The following ITGA7 variants were observed in gnomAD, a reference collection of about 807,000 sequenced individuals.
ITGA7 encodes integrin subunit alpha 7.
A neutral mutation model predicts 131.6 loss-of-function variants in ITGA7; 84 were observed. The observed-to-expected ratio is 0.64, with a 90% confidence interval of 0.54 to 0.77. The LOEUF (loss-of-function observed/expected upper bound fraction) is 0.77, where lower values mean the gene tolerates loss of function less well. Ranked by LOEUF, ITGA7 falls within the 30% of genes least tolerant of loss-of-function variation. The probability of loss-of-function intolerance (pLI) is 0.00; values close to 1 mark genes in which losing one functional copy is unlikely to be tolerated. For synonymous variants in ITGA7, 548 were observed against 600.7 expected, an observed-to-expected ratio of 0.91 and a Z score of 1.28; for missense variants, 1,399 against 1,482.9, an observed-to-expected ratio of 0.94 and a Z score of 0.93.
chr12:55,716,210 C>G (rs1271061660), upstream of ITGA7: 1 of 1,600,078 alleles, frequency 6.2e-7, no homozygotes, highest in Non-Finnish European at 8.5e-7. Context: ...AGCCAAATAT[C>G]CTGTCGGCCG....
At chr12:55,690,742 A>G (rs1163980532) in intron 21 of ITGA7, among the ~76,000 whole-genome samples, 1 of 149,582 alleles carries the variant, frequency 6.7e-6, no homozygotes, top group Admixed American at 6.7e-5. Flanking sequence ...ACAATGATAG[A>G]CTGGATTAAG....
At position 55,707,820 on chromosome 12, in the gene ITGA7, G is replaced by GGCCCAGC; in HGVS notation, c.-139_-138insGCTGGGC. On this transcript the variant is annotated 5_prime_UTR_variant, in exon 1 of 25. Coordinates refer to ENST00000257879, the MANE Select transcript of ITGA7 (RefSeq NM_002206.3). Reference sequence around the variant, plus strand: ...CGTCTCCCAGACGTTCGCCCCGCCAGCCCTCCCGCCCGCCCGCCGCTCCGC... The same window carrying GGCCCAGC: ...CGTCTCCCAGACGTTCGCCCCGCCAGGCCCAGCCCCTCCCGCCCGCCCGCCGCTCCGC... 25 of 1,455,662 alleles carry GGCCCAGC rather than the reference G, an allele frequency of 1.7e-5. No individual in the cohort carries two copies. The highest frequency in any genetic ancestry group is 2.0e-5 in the Non-Finnish European group (22 of 1,102,384). The allele number at this position is 1,455,662 out of a possible 1,614,324, so 90.2% of individuals were successfully genotyped here.
chr12:55,695,581 C>A lies in ITGA7; in HGVS notation c.1944G>T (p.Gln648His). Reference protein sequence around the residue: ...GEDKICQSNLQLVRARFCTRV... With the variant: ...GEDKICQSNLHLVRARFCTRV... ...GGGTACAGAAGCGGGCGCGGACCAGCTGCAGATTGCTCTGGCAGATCTTGT... is the reference window on the plus strand; with the variant it reads ...GGGTACAGAAGCGGGCGCGGACCAGATGCAGATTGCTCTGGCAGATCTTGT... Residue 648 changes from glutamine (Q) to histidine (H), a missense_variant, in exon 14 of 25, where the codon CAG becomes CAT. Physicochemically the swap from Gln to His is conservative, Grantham distance 24 (BLOSUM62 0). Coordinates refer to ENST00000257879, the MANE Select transcript of ITGA7 (RefSeq NM_002206.3). 1 of 1,614,024 alleles carries A rather than the reference C, an allele frequency of 6.2e-7. No individual in the cohort carries two copies. The highest frequency in any genetic ancestry group is 8.5e-7 in the Non-Finnish European group (1 of 1,179,972).
chr12:55,716,177 T>C, upstream of ITGA7: 4 of 1,611,640 alleles, frequency 2.5e-6, no homozygotes, highest in Non-Finnish European at 3.4e-6. Context: ...CCAAGCAGAA[T>C]GAACGCAAGG....
intron 3 of ITGA7, 154 bp from the exon 4 acceptor site, chr12:55,701,308 C>A: frequency 6.4e-7 from 1 of 1,568,196 alleles, no homozygotes; most frequent in Non-Finnish European, 8.7e-7. Context: ...TATGCCGGCA[C>A]CACTCAAGCA....
Position 55,694,838 on chromosome 12 carries a change from C to G in ITGA7, c.2136G>C (p.Gln712His), listed in dbSNP as rs373231582. The change falls in exon 15 of 25, where the codon CAG (glutamine) becomes CAC (histidine). Residue 712 changes from glutamine to histidine, a missense_variant. Gln to His is a conservative substitution (Grantham distance 24). Transcript: ENST00000257879. This position sits in a 1 kb window ranked among gnomAD's most constrained non-coding sequence, Gnocchi z 5.3. ...GTGAGTCAGGAAGCATGACCAGGAG[C>G]TGGGCTTCATGGGCATCATCCCCAT... Reference protein sequence around the residue: ...QADGDDAHEAQLLVMLPDSLH... With the variant: ...QADGDDAHEAHLLVMLPDSLH... The G allele has an allele frequency of 2.5e-6, 4 of 1,613,966 alleles. No individual in the cohort carries two copies. Among genetic ancestry groups the G allele is most frequent in the Non-Finnish European group, 3.4e-6 (4 of 1,180,010 alleles).
Position 55,698,810 on chromosome 12 carries a change from C to T in ITGA7, c.898G>A (p.Asp300Asn), listed in dbSNP as rs1014377837. The change falls in exon 6 of 25, where the codon GAC (aspartate) becomes AAC (asparagine). Residue 300 changes from aspartate to asparagine, a missense_variant. Physicochemically the swap from Asp to Asn is conservative, Grantham distance 23. Coordinates refer to ENST00000257879, the MANE Select transcript of ITGA7 (RefSeq NM_002206.3). ...TCGGGCACCAGGCGACTGGCGCTGT[C>T]CTTGCGCAGGATGACCACAGCACCC... ...HKGAVVILRK[D>N]SASRLVPEVM... 4 of 1,614,002 alleles carry T rather than the reference C, an allele frequency of 2.5e-6. No individual in the cohort carries two copies. The highest frequency in any genetic ancestry group is 3.4e-6 in the Non-Finnish European group (4 of 1,180,024).
chr12:55,712,762 A>G (rs1876227800), upstream of ITGA7, among the ~76,000 whole-genome samples: 1 of 152,208 alleles, frequency 6.6e-6, no homozygotes, highest in Non-Finnish European at 1.5e-5. Context: ...GCCCAGAAAA[A>G]GAACAGATGG....
chr12:55,685,349 G>A lies in ITGA7; in HGVS notation c.3184-61C>T. ...AAGAGCTGCGGTCCCTGGAGCAGAT[G>A]CCTAGCGCGGCACAGCTCCTCACCC... On this transcript the variant is annotated intron_variant, in intron 24 of 24. Coordinates refer to ENST00000257879, the MANE Select transcript of ITGA7 (RefSeq NM_002206.3). The A allele has an allele frequency of 2.8e-6, 4 of 1,439,296 alleles. No individual in the cohort carries two copies. In the South Asian group the frequency reaches 4.6e-5, roughly 16 times the overall value. 89.2% of individuals were successfully genotyped at this position (1,439,296 alleles called of 1,614,324 possible). A position where few individuals can be genotyped will look rare whatever the true frequency, so the allele number is the denominator to read the frequency against.
Position 55,688,908 on chromosome 12 carries a change from T to C in ITGA7, c.2894A>G (p.Tyr965Cys), listed in dbSNP as rs1326246104. The stretch of plus-strand genomic sequence containing the variant: ...CAGCACAGCCGCGCGGTCAAAGCTG[T>C]AGAGTGGGCAGCTGAACACCACACA... ...ANCVVFSCPLYSFDRAAVLHV... is the reference protein window; with the variant it reads ...ANCVVFSCPLCSFDRAAVLHV... Residue 965 changes from tyrosine to cysteine, a missense_variant, in exon 22 of 25, where the codon TAC becomes TGC. Physicochemically the swap from Tyr to Cys is radical, Grantham distance 194. Coordinates refer to ENST00000257879, the MANE Select transcript of ITGA7 (RefSeq NM_002206.3). The C allele has an allele frequency of 1.2e-6, 2 of 1,613,884 alleles. No homozygotes were observed. Among genetic ancestry groups the C allele is most frequent in the South Asian group, 1.1e-5 (1 of 91,072 alleles).
At chr12:55,691,493 A>C (rs1871404704) in intron 21 of ITGA7, among the ~76,000 whole-genome samples, 1 of 152,232 alleles carries the variant, frequency 6.6e-6, no homozygotes. Context: ...TTCTTACCAC[A>C]AAAATAAGTA....
chr12:55,685,526 G>C (rs1869909054), intron 24 of ITGA7, among the ~76,000 whole-genome samples: 1 of 152,162 alleles, frequency 6.6e-6, no homozygotes, highest in Admixed American at 6.5e-5. Context: ...AGGACCAAGG[G>C]TATCTCCCTT....
chr12:55,711,987 C>T, upstream of ITGA7: 1 of 1,191,392 alleles, frequency 8.4e-7, no homozygotes, highest in Non-Finnish European at 1.2e-6. Flanking sequence ...GGCAACAGAG[C>T]CTTGGAGCTT....
Position 55,698,889 on chromosome 12 carries a change from CAGACCTTTCCCCG to C in ITGA7, c.806_818del (p.Ser269TrpfsTer7), listed in dbSNP as rs781047570. The C allele has an allele frequency of 1.2e-6, 2 of 1,613,510 alleles. No homozygotes were observed. Among genetic ancestry groups the C allele is most frequent in the South Asian group, 2.2e-5 (2 of 90,990 alleles). ...CAAAGCTCAGCTCTTCTGCACGCACCAGACCTTTCCCCGAGTCAATAGAGAAGCCTGGGGGAAG... is the reference window on the plus strand; with the variant it reads ...CAAAGCTCAGCTCTTCTGCACGCACCAGTCAATAGAGAAGCCTGGGGGAAG... On this transcript the variant is annotated frameshift_variant, in exon 6 of 25. Coordinates refer to ENST00000257879, the MANE Select transcript of ITGA7 (RefSeq NM_002206.3). LOFTEE classifies it high-confidence loss of function.
chr12:55,716,025 C>A (rs1192928626), upstream of ITGA7: 3 of 1,533,724 alleles, frequency 2.0e-6, no homozygotes, highest in Non-Finnish European at 2.6e-6. Context: ...CGGTTCCCAA[C>A]CTCACGTGAC....
At chr12:55,688,722 CAA>C (rs35887029) in intron 22 of ITGA7, 120 bp downstream of exon 22, 22,714 of 595,008 alleles carry the variant, frequency 0.038, 1 homozygote, top group East Asian at 0.096. Context: ...GACTCCGTCT[CAA>C]AAAAAAAAAA....
At chr12:55,702,834 C>CACA in intron 3 of ITGA7, 38 bp downstream of exon 3, 69 of 1,552,958 alleles carry the variant, frequency 4.4e-5, no homozygotes, top group Non-Finnish European at 5.9e-5. Flanking sequence ...CACACACACA[C>CACA]CCCATCCGTG....
Position 55,692,837 on chromosome 12 carries a change from C to T in ITGA7, c.2844+7G>A. The T allele has an allele frequency of 6.2e-7, 1 of 1,605,648 alleles. No individual in the cohort carries two copies. On this transcript the variant is annotated splice_region_variant and intron_variant, in intron 21 of 24. Transcript: ENST00000257879. ...CTCTGGCTGCACCGAGTCTGGCCTG[C>T]CCTCACCAGGGTGATGTTTTTCTTC...
chr12:55,709,678 GT>G (rs1031199623), upstream of ITGA7, among the ~76,000 whole-genome samples: 19 of 148,552 alleles, frequency 1.3e-4, 1 homozygote, highest in East Asian at 3.3e-3. Context: ...CCCTGCCCAG[GT>G]CCCCCCGCCC....
Sources: gnomAD v4.1 joint callset for allele counts (sites outside exome capture counted in the v4.1 genomes callset) on GRCh38, gnomAD v4.1.1 for gene constraint, Gnocchi (gnomAD v3.1) non-coding constraint, MANE v1.5 for transcripts, NCBI Gene and HGNC (gene_info 2026-07-23, HGNC 2026-07-21) for gene names.